The following SULF1 variants were observed in gnomAD, a reference collection of about 807,000 sequenced individuals.
The protein encoded by SULF1 is sulfatase 1, also known as extracellular sulfatase Sulf-1.
A neutral mutation model predicts 110.5 loss-of-function variants in SULF1; 46 were observed. The observed-to-expected ratio is 0.42, with a 90% CI of 0.33 to 0.53. The LOEUF (loss-of-function observed/expected upper bound fraction) is 0.53. Among genes scored for constraint, SULF1 ranks in the 20% least tolerant of loss-of-function variants. The pLI, the probability that SULF1 is intolerant of heterozygous loss-of-function variation, is 0.12. For missense variants in SULF1, 941 were observed against 1,094.2 expected (o/e 0.86, Z 1.98); for synonymous variants, 371 against 387.1 (o/e 0.96, Z 0.49).
rs1372151 is a variant in SULF1, at chr8:69,568,699, G to A, written c.172+4552G>A. On this transcript the variant is annotated intron_variant, in intron 5 of 22. Coordinates refer to ENST00000402687, the MANE Select transcript of SULF1 (RefSeq NM_001128205.2). ...AGTTGTTCACGTTGTGCCTATACCC[G>A]TAAGTACTTCAGAGTTTTAGGCTAG... Among the ~76,000 whole-genome samples the A allele has an allele frequency of 2.3e-3, 344 of 152,196 alleles. 1 individual carries two copies. The highest frequency in any genetic ancestry group is 6.8e-3 in the African/African-American group (282 of 41,542).
intron 3 of SULF1, among the ~76,000 whole-genome samples, chr8:69,528,322 C>T (rs541955840): frequency 3.9e-5 from 6 of 152,266 alleles, no homozygotes; most frequent in Admixed American, 3.9e-4. Context: ...TGAGATAGGA[C>T]AGTTGTAGGG....
rs1304714223 is a variant in SULF1, at chr8:69,631,463, A to T, written c.2284+1784A>T. On this transcript the variant is annotated intron_variant, in intron 19 of 22. Coordinates refer to ENST00000402687, the MANE Select transcript of SULF1 (RefSeq NM_001128205.2). ...TGCTTTTCTTAAGCTAAAGAGCAGA[A>T]TCCCTTCACCTGACCCCAGAAGGCT... Among the ~76,000 whole-genome samples, 6 of 152,222 alleles carry T rather than the reference A, an allele frequency of 3.9e-5. No individual in the cohort carries two copies. In the East Asian group the frequency reaches 1.2e-3, roughly 29 times the overall value.
chr8:69,624,225 G>A, intron 15 of SULF1, 28 bp downstream of exon 15: 1 of 1,537,090 alleles, frequency 6.5e-7, no homozygotes, highest in Non-Finnish European at 8.7e-7. Context: ...GTTCACTAGG[G>A]TTGAGTTCAG....
At chr8:69,632,677 C>T (rs935960774) in intron 19 of SULF1, among the ~76,000 whole-genome samples, 1 of 151,968 alleles carries the variant, frequency 6.6e-6, no homozygotes, top group East Asian at 1.9e-4. Flanking sequence ...ATAAACACAC[C>T]GTCTATATTT....
intron 18 of SULF1, among the ~76,000 whole-genome samples, chr8:69,628,875 G>A (rs1477979944): frequency 1.3e-5 from 2 of 152,090 alleles, no homozygotes; most frequent in East Asian, 1.9e-4. Context: ...AAAAAAATGA[G>A]CCATTTGTCC....
At chr8:69,539,324 C>G (rs1813699420) in intron 3 of SULF1, among the ~76,000 whole-genome samples, 3 of 152,080 alleles carry the variant, frequency 2.0e-5, no homozygotes, top group Middle Eastern at 3.4e-3. Context: ...AACCAGGGCT[C>G]TGTGAAAAAG....
At chr8:69,652,872 G>A (rs142341137) in intron 22 of SULF1, among the ~76,000 whole-genome samples, 1,823 of 152,284 alleles carry the variant, frequency 0.012, 12 homozygotes, top group Admixed American at 0.022. Flanking sequence ...ACGCAGCTGC[G>A]TTGGAGTCTC....
intron 12 of SULF1, 113 bp downstream of exon 12, chr8:69,603,769 C>G (rs996805310): frequency 1.3e-6 from 1 of 752,420 alleles, no homozygotes; most frequent in African/African-American, 1.8e-5. Context: ...ATTTCGTAAA[C>G]CTAGTCACAA....
intron 3 of SULF1, among the ~76,000 whole-genome samples, chr8:69,537,297 A>G (rs1445557210): frequency 6.6e-6 from 1 of 152,170 alleles, no homozygotes; most frequent in Non-Finnish European, 1.5e-5. Context: ...TTGTTGAATG[A>G]ATGCCAGGAC....
intron 9 of SULF1, among the ~76,000 whole-genome samples, chr8:69,601,369 T>C (rs1375377742): frequency 2.0e-5 from 3 of 152,160 alleles, no homozygotes; most frequent in South Asian, 4.1e-4. Flanking sequence ...AGTTTGATGG[T>C]AGAGGTTGTT....
intron 1 of SULF1, among the ~76,000 whole-genome samples, chr8:69,469,976 A>G (rs1486695533): frequency 1.3e-5 from 2 of 152,162 alleles, no homozygotes; most frequent in African/African-American, 4.8e-5. Context: ...CGAAAGGCGG[A>G]GGTTGCAGTG....
intron 3 of SULF1, among the ~76,000 whole-genome samples, chr8:69,539,472 T>C (rs887105112): frequency 1.1e-4 from 17 of 152,208 alleles, no homozygotes; most frequent in African/African-American, 4.1e-4. Flanking sequence ...TATGTAGATA[T>C]GACTGCAAAC....
chr8:69,520,156 C>T (rs1039045729), intron 3 of SULF1, among the ~76,000 whole-genome samples: 3 of 146,050 alleles, frequency 2.1e-5, no homozygotes, highest in East Asian at 2.1e-4. Context: ...CACACACACA[C>T]ATCACTGTGT....
chr8:69,617,682 CA>C (rs1444444576), intron 13 of SULF1, among the ~76,000 whole-genome samples: 1 of 151,816 alleles, frequency 6.6e-6, no homozygotes, highest in African/African-American at 2.4e-5. Context: ...CACTGATCTC[CA>C]CATTAAATGG....
chr8:69,477,858 T>C (rs530202086), intron 1 of SULF1, among the ~76,000 whole-genome samples: 1 of 151,882 alleles, frequency 6.6e-6, no homozygotes, highest in East Asian at 1.9e-4. Context: ...AATAAAGCAT[T>C]CTCCTTTGTT....
intron 3 of SULF1, among the ~76,000 whole-genome samples, chr8:69,537,826 T>C (rs1333924150): frequency 1.3e-5 from 2 of 152,062 alleles, no homozygotes; most frequent in African/African-American, 2.4e-5. Context: ...TTCAAATTCC[T>C]CAGAGACTGT....
intron 3 of SULF1, among the ~76,000 whole-genome samples, chr8:69,526,735 G>A (rs1232777029): frequency 6.6e-6 from 1 of 151,506 alleles, no homozygotes; most frequent in African/African-American, 2.4e-5. Flanking sequence ...AGGCTGCAAA[G>A]AGCTTTGTTT....
chr8:69,540,444 AT>A (rs1813783109), intron 3 of SULF1, among the ~76,000 whole-genome samples: 1 of 152,266 alleles, frequency 6.6e-6, no homozygotes, highest in African/African-American at 2.4e-5. Flanking sequence ...TGGACGAGAA[AT>A]TATGTTTCAC....
At chr8:69,521,169 A>AT (rs1309452877) in intron 3 of SULF1, among the ~76,000 whole-genome samples, 1 of 152,006 alleles carries the variant, frequency 6.6e-6, no homozygotes, top group Non-Finnish European at 1.5e-5. Context: ...AGGTTAATTC[A>AT]TTTTTTCCTT....
Sources: gnomAD v4.1 joint callset for allele counts (sites outside exome capture counted in the v4.1 genomes callset) on GRCh38, gnomAD v4.1.1 for gene constraint, MANE v1.5 for transcripts, NCBI Gene and HGNC (gene_info 2026-07-23, HGNC 2026-07-21) for gene names.